Variants in ANXA8L1 observed in about 807,000 individuals in gnomAD.
ANXA8L1 encodes annexin A8 like 1.
A neutral mutation model predicts 22.5 loss-of-function variants in ANXA8L1; 10 were observed. The observed-to-expected ratio is 0.44, with a 90% CI of 0.27 to 0.75. ANXA8L1 has a LOEUF of 0.75. Among genes scored for constraint, ANXA8L1 ranks in the 30% least tolerant of loss-of-function variants. The probability of loss-of-function intolerance (pLI) is 0.15; values close to 1 mark genes in which losing one functional copy is unlikely to be tolerated. For synonymous variants in ANXA8L1, 36 were observed against 86.0 expected (o/e 0.42, Z 3.22); for missense variants, 88 against 219.6 (o/e 0.40, Z 3.79).
At position 46,384,776 on chromosome 10, in the gene ANXA8L1, C is replaced by G; in HGVS notation, c.495C>G (p.Gly165=). The G allele has an allele frequency of 1.9e-6, 3 of 1,613,284 alleles. No homozygotes were observed. The highest frequency in any genetic ancestry group is 2.5e-6 in the Non-Finnish European group (3 of 1,179,850). ...LERILVCLLQ[G]SRDDVSSFVD... is the part of the protein sequence containing the mutation. ...AGAGCCACCTCCTCTGTTCCTAGGG[C>G]AGCAGGGATGATGTGAGCAGCTTTG... Residue 165 remains glycine, a splice_region_variant and synonymous_variant, in exon 7 of 12, where the codon GGC becomes GGG. Coordinates refer to ENST00000619162, the MANE Select transcript of ANXA8L1 (RefSeq NM_001098845.3).
At chr10:46,378,290 C>T (rs1238357363) in intron 1 of ANXA8L1, among the ~76,000 whole-genome samples, 6 of 145,964 alleles carry the variant, frequency 4.1e-5, no homozygotes, top group Non-Finnish European at 8.9e-5. Flanking sequence ...AGACGACCTG[C>T]GTTCCTGTGG....
chr10:46,381,341 C>T lies in ANXA8L1; in HGVS notation c.207+101C>T, dbSNP rs1192898603. On this transcript the variant is annotated intron_variant, in intron 3 of 11. Coordinates refer to ENST00000619162, the MANE Select transcript of ANXA8L1 (RefSeq NM_001098845.3). The stretch of plus-strand genomic sequence containing the variant: ...CTGGACGACTTTCCCCTAGAGCCAG[C>T]CCACTGGTAGCATGGGCACATGGAA... The T allele has an allele frequency of 5.4e-6, 5 of 925,324 alleles. 2 individuals carry two copies. The allele number at this position is 925,324 out of a possible 1,614,324, so 57.3% of individuals were successfully genotyped here.
intron 1 of ANXA8L1, among the ~76,000 whole-genome samples, chr10:46,376,633 C>T (rs1231082149): frequency 1.1e-4 from 16 of 145,442 alleles, no homozygotes; most frequent in Non-Finnish European, 2.4e-4. Context: ...CCATGCCCAG[C>T]AGAACTGATG....
chr10:46,385,701 C>T lies in ANXA8L1; in HGVS notation c.647-11C>T. On this transcript the variant is annotated splice_polypyrimidine_tract_variant and intron_variant, in intron 8 of 11. Transcript: ENST00000619162. ...GGTCTGACCATCCCCTGAGCAGAGC[C>T]CTCTCCACAGTGTTTGAAGAGTATG... 1 of 338,974 alleles carries T rather than the reference C, an allele frequency of 3.0e-6. No homozygotes were observed. Among genetic ancestry groups the T allele is most frequent in the South Asian group, 2.4e-5 (1 of 41,606 alleles). The allele number at this position is 338,974 out of a possible 1,614,324, so 21.0% of individuals were successfully genotyped here. A position where few individuals can be genotyped will look rare whatever the true frequency, so the allele number is the denominator to read the frequency against.
chr10:46,375,823 G>A lies in ANXA8L1; in HGVS notation c.-29G>A, dbSNP rs1405916332. On this transcript the variant is annotated 5_prime_UTR_variant, in exon 1 of 12. The change creates a new upstream start codon in the 5' untranslated region. Coordinates refer to ENST00000619162, the MANE Select transcript of ANXA8L1 (RefSeq NM_001098845.3). ...GGCCAACCTGTGTCTCTTCATCTCC[G>A]TGAGAAAGGTGCCCCCGAAGTGAAA... 17,310 of 1,608,350 alleles carry A rather than the reference G, an allele frequency of 0.011. 188 individuals carry two copies. The highest frequency in any genetic ancestry group is 0.026 in the South Asian group (2,356 of 90,750).
At chr10:46,390,568 C>T (rs1197766546) in intron 11 of ANXA8L1, among the ~76,000 whole-genome samples, 4 of 145,566 alleles carry the variant, frequency 2.7e-5, no homozygotes, top group Non-Finnish European at 4.6e-5. Flanking sequence ...CCCTGGCTCC[C>T]GAATAGAAGA....
intron 4 of ANXA8L1, among the ~76,000 whole-genome samples, chr10:46,383,158 G>A (rs1384859640): frequency 1.0e-5 from 1 of 99,270 alleles, no homozygotes; most frequent in African/African-American, 4.3e-5. Context: ...TTGGCGCAGG[G>A]GAGGCTTCTT....
intron 4 of ANXA8L1, among the ~76,000 whole-genome samples, chr10:46,383,242 G>C (rs1408854094): frequency 2.0e-5 from 3 of 149,520 alleles, no homozygotes; most frequent in Admixed American, 1.3e-4. Flanking sequence ...CAGCTAAGGA[G>C]GGAGAGCTGA....
chr10:46,384,785 T>A lies in ANXA8L1; in HGVS notation c.504T>A (p.Asp168Glu). 2 of 1,613,192 alleles carry A rather than the reference T, an allele frequency of 1.2e-6. No homozygotes were observed. Among genetic ancestry groups the A allele is most frequent in the South Asian group, 1.1e-5 (1 of 91,036 alleles). The change falls in exon 7 of 12, where the codon GAT (aspartate) becomes GAA (glutamate). Residue 168 changes from aspartate (D) to glutamate (E), a missense_variant. Transcript: ENST00000619162. ...TCCTCTGTTCCTAGGGCAGCAGGGA[T>A]GATGTGAGCAGCTTTGTGGACCCGG... The part of the protein sequence containing the change: ...ILVCLLQGSR[D>E]DVSSFVDPAL...
Position 46,384,766 on chromosome 10 carries a change from G to A in ANXA8L1, c.493-8G>A, listed in dbSNP as rs1840014552. On this transcript the variant is annotated splice_region_variant and splice_polypyrimidine_tract_variant and intron_variant, in intron 6 of 11. Coordinates refer to ENST00000619162, the MANE Select transcript of ANXA8L1 (RefSeq NM_001098845.3). The stretch of plus-strand genomic sequence containing the variant: ...CCTGCCTTACAGAGCCACCTCCTCT[G>A]TTCCTAGGGCAGCAGGGATGATGTG... 1 of 1,613,074 alleles carries A rather than the reference G, an allele frequency of 6.2e-7. No homozygotes were observed. The highest frequency in any genetic ancestry group is 8.5e-7 in the Non-Finnish European group (1 of 1,179,844).
In ANXA8L1 at chr10:46,385,448, G is replaced by T; in HGVS notation, c.621G>T (p.Thr207=). 1 of 1,190,682 alleles carries T rather than the reference G, an allele frequency of 8.4e-7. No homozygotes were observed. Among genetic ancestry groups the T allele is most frequent in the Non-Finnish European group, 1.2e-6 (1 of 856,736 alleles). The allele number at this position is 1,190,682 out of a possible 1,614,324, so 73.8% of individuals were successfully genotyped here. A position where few individuals can be genotyped will look rare whatever the true frequency, so the allele number is the denominator to read the frequency against. ...TGAAATTCATCACCATCCTGTGCAC[G>T]CGCAGTGCCACTCACCTGCTGAGAG... The part of the protein sequence containing the change: ...DEMKFITILC[T]RSATHLLRVF... Residue 207 remains threonine (T), a synonymous_variant, in exon 8 of 12, where the codon ACG becomes ACT. Transcript: ENST00000619162.
intron 11 of ANXA8L1, among the ~76,000 whole-genome samples, chr10:46,389,611 A>G (rs1475288942): frequency 1.3e-5 from 2 of 151,262 alleles, no homozygotes; most frequent in Non-Finnish European, 2.9e-5. Context: ...AAACTCCTGC[A>G]TTGAAATTAA....
At position 46,375,794 on chromosome 10, in the gene ANXA8L1, C is replaced by T. The variant is rs1839920284; in HGVS notation, c.-58C>T. On this transcript the variant is annotated 5_prime_UTR_variant, in exon 1 of 12. Coordinates refer to ENST00000619162, the MANE Select transcript of ANXA8L1 (RefSeq NM_001098845.3). ...AGGAGCCAGACGTGTGGAGTCCCAG[C>T]AGAGGCCAACCTGTGTCTCTTCATC... 3 of 1,608,582 alleles carry T rather than the reference C, an allele frequency of 1.9e-6. No homozygotes were observed. Among genetic ancestry groups the T allele is most frequent in the Non-Finnish European group, 2.5e-6 (3 of 1,178,620 alleles).
intron 11 of ANXA8L1, among the ~76,000 whole-genome samples, chr10:46,389,951 C>A (rs1376672497): frequency 2.6e-5 from 4 of 151,556 alleles, no homozygotes; most frequent in Non-Finnish European, 5.9e-5. Context: ...TCAAAGCAGG[C>A]AAATTTTACT....
chr10:46,378,979 G>A (rs1487289925), intron 1 of ANXA8L1, among the ~76,000 whole-genome samples: 36 of 142,488 alleles, frequency 2.5e-4, no homozygotes, highest in Non-Finnish European at 1.2e-4. Flanking sequence ...GGGTAAGTGC[G>A]TAGGTGGGAA....
At position 46,390,950 on chromosome 10, in the gene ANXA8L1, A is replaced by G. The variant is rs543595791; in HGVS notation, c.*20A>G. The G allele has an allele frequency of 3.0e-6, 4 of 1,334,132 alleles. 1 individual carries two copies. Among genetic ancestry groups the G allele is most frequent in the East Asian group, 2.3e-5 (1 of 44,126 alleles). The allele number at this position is 1,334,132 out of a possible 1,614,324, so 82.6% of individuals were successfully genotyped here. On this transcript the variant is annotated 3_prime_UTR_variant, in exon 12 of 12. Coordinates refer to ENST00000619162, the MANE Select transcript of ANXA8L1 (RefSeq NM_001098845.3). ...CCCTGAGGCACAGAAGAACAAGAGC[A>G]AAGACCATGAAGCCAGAGTCTCCAG...
In ANXA8L1 at chr10:46,385,852, G is replaced by A. The variant is rs1417727768; in HGVS notation, c.742+45G>A. ...CGTTTTTCAGGCCACAGGGCTCACC[G>A]TGGGGCAGCACCAAAGAACAAAGGG... On this transcript the variant is annotated intron_variant, in intron 9 of 11. Transcript: ENST00000619162. The A allele has an allele frequency of 2.7e-4, 67 of 246,894 alleles. 3 individuals are homozygous for A. The highest frequency in any genetic ancestry group is 2.0e-3 in the East Asian group (55 of 27,108). 15.3% of individuals were successfully genotyped at this position (246,894 alleles called of 1,614,324 possible).
rs1452732918 is a variant in ANXA8L1, at chr10:46,384,589, A to T, written c.493-185A>T. ...CTGAATCCGCCAAGCCTTATGAGGC[A>T]GTCCTTACCACCCCCGTTGTACAAA... On this transcript the variant is annotated intron_variant, in intron 6 of 11. Transcript: ENST00000619162. Among the ~76,000 whole-genome samples, 3 of 121,664 alleles carry T rather than the reference A, an allele frequency of 2.5e-5. 1 individual carries two copies. The East Asian group carries it at 5.9e-4, about 24-fold the overall frequency. 79.8% of individuals were successfully genotyped at this position (121,664 alleles called of 152,430 possible).
Position 46,390,110 on chromosome 10 carries a change from G to A in ANXA8L1, c.925-761G>A, listed in dbSNP as rs1356936345. 2.7e-5 allele frequency among the ~76,000 whole-genome samples: 4 copies of A among 150,214 alleles called. No individual in the cohort carries two copies. The South Asian group carries it at 6.3e-4, about 24-fold the overall frequency. On this transcript the variant is annotated intron_variant, in intron 11 of 11. Transcript: ENST00000619162. Reference sequence around the variant, plus strand: ...GCCCCGCTGTCCTCAACTGCATGAAGAAGAATCTGGGTGATCTGACCTGGC... The same window carrying A: ...GCCCCGCTGTCCTCAACTGCATGAAAAAGAATCTGGGTGATCTGACCTGGC...
Sources: allele counts gnomAD v4.1 joint callset (sites outside exome capture counted in the v4.1 genomes callset), GRCh38; gene constraint gnomAD v4.1.1; transcripts MANE v1.5; gene names NCBI Gene and HGNC (gene_info 2026-07-23, HGNC 2026-07-21).